Variants in NPSR1 observed in about 807,000 individuals in gnomAD.
The protein encoded by NPSR1 is neuropeptide S receptor 1.
In NPSR1, 48 loss-of-function variants were observed where a neutral mutation model predicts 46.9. That is an observed-to-expected ratio of 1.02 (90% CI 0.81 to 1.30). The LOEUF (loss-of-function observed/expected upper bound fraction) is 1.30, where lower values mean the gene tolerates loss of function less well. Among genes scored for constraint, NPSR1 ranks in the 50% most tolerant of loss-of-function variants. The pLI is 0.00. For synonymous variants in NPSR1, 176 were observed against 168.1 expected (o/e 1.05, Z -0.36); for missense variants, 450 against 449.5 (o/e 1.00, Z -0.01).
chr7:34,768,444 A>G (rs1786530907), intron 2 of NPSR1: 1 of 152,182 alleles, frequency 6.6e-6, no homozygotes, highest in African/African-American at 2.4e-5. Context: ...AAGAACTCTG[A>G]AAATAGTAAA....
At chr7:34,813,974 G>T (rs759387951) in intron 4 of NPSR1, among the ~76,000 whole-genome samples, 1 of 152,214 alleles carries the variant, frequency 6.6e-6, no homozygotes, top group African/African-American at 2.4e-5. Flanking sequence ...GCTCTGGTCT[G>T]CAGCTCCCAG....
intron 3 of NPSR1, among the ~76,000 whole-genome samples, chr7:34,805,612 A>AT (rs1414899417): frequency 2.0e-5 from 3 of 151,900 alleles, no homozygotes; most frequent in African/African-American, 7.2e-5. Flanking sequence ...ATAGGAGAAG[A>AT]TTTAAGGGAC....
In NPSR1 at chr7:34,750,209, T is replaced by A. The variant is rs953855648; in HGVS notation, c.281-28253T>A. 11 of 534,974 alleles carry A rather than the reference T, an allele frequency of 2.1e-5. No homozygotes were observed. The African/African-American group carries it at 2.1e-4, about 10-fold the overall frequency. The allele number at this position is 534,974 out of a possible 1,614,324, so 33.1% of individuals were successfully genotyped here. On this transcript the variant is annotated intron_variant, in intron 2 of 8. Transcript: ENST00000360581. ...TTAGAATTCTAGGTCACCCTACAAG[T>A]TACCCTGCACAGGGAGGAAAGGAAC... is the stretch of plus-strand genomic sequence containing the variant.
At chr7:34,723,550 TA>T (rs1325417485) in intron 2 of NPSR1, among the ~76,000 whole-genome samples, 1 of 149,746 alleles carries the variant, frequency 6.7e-6, no homozygotes, top group African/African-American at 2.4e-5. Context: ...AATAAATAAA[TA>T]AATAAAGATG....
intron 2 of NPSR1, among the ~76,000 whole-genome samples, chr7:34,754,977 A>T (rs1020905622): frequency 2.5e-5 from 1 of 40,604 alleles, no homozygotes; most frequent in African/African-American, 8.9e-5. Context: ...TTTTATGGCT[A>T]AATAATATTC....
intron 1 of NPSR1, among the ~76,000 whole-genome samples, chr7:34,667,670 G>A (rs1000451023): frequency 7.2e-5 from 11 of 152,070 alleles, no homozygotes; most frequent in African/African-American, 2.2e-4. Flanking sequence ...TAGGTGGTTG[G>A]AAAGGAATAA....
chr7:34,838,000 G>A (rs1562766417), intron 6 of NPSR1, among the ~76,000 whole-genome samples: 1 of 152,140 alleles, frequency 6.6e-6, no homozygotes, highest in African/African-American at 2.4e-5. Context: ...TGTGGTTTCT[G>A]CCAATTCCAT....
chr7:34,829,123 G>A (rs1411029754), intron 5 of NPSR1, among the ~76,000 whole-genome samples: 1 of 152,116 alleles, frequency 6.6e-6, no homozygotes, highest in Non-Finnish European at 1.5e-5. Context: ...CTATAGCTGG[G>A]AGAAACGTTA....
chr7:34,820,575 T>C (rs560075364), intron 4 of NPSR1, among the ~76,000 whole-genome samples: 1 of 152,268 alleles, frequency 6.6e-6, no homozygotes, highest in Admixed American at 6.5e-5. Context: ...TCAGTGACAA[T>C]GGACAAAGCC....
At chr7:34,803,278 T>C (rs1046134960) in intron 3 of NPSR1, among the ~76,000 whole-genome samples, 1 of 151,966 alleles carries the variant, frequency 6.6e-6, no homozygotes, top group African/African-American at 2.4e-5. Context: ...GTATGTTTAT[T>C]GCGGCACTAT....
At chr7:34,848,727 T>C in intron 8 of NPSR1, 64 bp downstream of exon 8, 14 of 1,449,484 alleles carry the variant, frequency 9.7e-6, no homozygotes, top group Non-Finnish European at 1.3e-5. Flanking sequence ...TCTGCCAACA[T>C]GTGGGTTTCT....
chr7:34,862,657 G>A (rs1354126858), intron 8 of NPSR1, among the ~76,000 whole-genome samples: 2 of 151,648 alleles, frequency 1.3e-5, no homozygotes, highest in Non-Finnish European at 2.9e-5. Context: ...GCTCTGATGT[G>A]GGTCAGAAAA....
intron 2 of NPSR1, among the ~76,000 whole-genome samples, chr7:34,702,733 A>G (rs1793894041): frequency 6.6e-6 from 1 of 152,322 alleles, no homozygotes; most frequent in African/African-American, 2.4e-5. Context: ...ACATTCTCAT[A>G]ATTAAATTTG....
At chr7:34,783,285 T>C (rs954722771) in intron 3 of NPSR1, among the ~76,000 whole-genome samples, 6 of 152,066 alleles carry the variant, frequency 3.9e-5, no homozygotes, top group African/African-American at 9.7e-5. Context: ...AAACTTATAA[T>C]CATGGTGGAA....
At chr7:34,787,423 ATATCAGCAGTAAGCT>A (rs1787514780) in intron 3 of NPSR1, among the ~76,000 whole-genome samples, 1 of 152,154 alleles carries the variant, frequency 6.6e-6, no homozygotes, top group Non-Finnish European at 1.5e-5. Context: ...AACTTTCTCC[ATATCAGCAGTAAGCT>A]TGTTTCATTT....
chr7:34,682,602 G>A (rs1208975102), intron 1 of NPSR1, among the ~76,000 whole-genome samples: 1 of 152,104 alleles, frequency 6.6e-6, no homozygotes, highest in African/African-American at 2.4e-5. Flanking sequence ...ATGTCCCACT[G>A]CTGGCACACC....
At chr7:34,751,509 C>T in intron 2 of NPSR1, 2 of 1,460,642 alleles carry the variant, frequency 1.4e-6, no homozygotes, top group Non-Finnish European at 1.9e-6. Context: ...CCCCAACCAG[C>T]CCCAGCTCCT....
At chr7:34,794,135 C>T (rs140653485) in intron 3 of NPSR1, among the ~76,000 whole-genome samples, 10 of 152,022 alleles carry the variant, frequency 6.6e-5, no homozygotes, top group South Asian at 2.1e-4. Context: ...AATAGAGGAA[C>T]GGGTTCTAGT....
intron 1 of NPSR1, among the ~76,000 whole-genome samples, chr7:34,683,405 C>G (rs1029454995): frequency 6.6e-6 from 1 of 151,042 alleles, no homozygotes; most frequent in African/African-American, 2.4e-5. Context: ...TAAGGTCATG[C>G]CACTGCACTC....
Sources: gnomAD v4.1 joint callset for allele counts (sites outside exome capture counted in the v4.1 genomes callset) on GRCh38, gnomAD v4.1.1 for gene constraint, MANE v1.5 for transcripts, NCBI Gene and HGNC (gene_info 2026-07-23, HGNC 2026-07-21) for gene names.